TMCC3: variants seen among roughly 807,000 people sequenced by gnomAD.
TMCC3 encodes the protein transmembrane and coiled-coil domain family 3, also known as transmembrane and coiled-coil domain protein 3.
Under a neutral mutation model 40.2 loss-of-function variants are expected in TMCC3, and 28 were observed. The ratio of observed to expected loss-of-function variants is 0.70; its 90% confidence interval spans 0.52 to 0.95. The LOEUF (loss-of-function observed/expected upper bound fraction) is 0.95, where lower values mean the gene tolerates loss of function less well. TMCC3 is among the 40% of genes least tolerant of loss of function. The pLI, the probability that TMCC3 is intolerant of heterozygous loss-of-function variation, is 0.00. For synonymous variants in TMCC3, 255 were observed against 248.5 expected, an observed-to-expected ratio of 1.03 and a Z score of -0.25; for missense variants, 554 against 615.2, an observed-to-expected ratio of 0.90 and a Z score of 1.05.
intron 3 of TMCC3, among the ~76,000 whole-genome samples, chr12:94,573,949 C>G (rs12319966): frequency 0.022 from 3,386 of 152,298 alleles, 81 homozygotes; most frequent in African/African-American, 0.063. Flanking sequence ...TCCTCCCCAA[C>G]CACAAGACAT....
intron 1 of TMCC3, among the ~76,000 whole-genome samples, chr12:94,584,920 A>C (rs2068629277): frequency 6.6e-6 from 1 of 152,116 alleles, no homozygotes; most frequent in African/African-American, 2.4e-5. Context: ...TAGAGGGTCG[A>C]CCACAGGAAG....
intron 1 of TMCC3, among the ~76,000 whole-genome samples, chr12:94,624,530 T>C (rs2068892311): frequency 6.6e-6 from 1 of 151,432 alleles, no homozygotes; most frequent in Non-Finnish European, 1.5e-5. Flanking sequence ...CTGGGAAACA[T>C]GGTGAAAACC....
At chr12:94,638,285 C>T (rs1241657715) in intron 1 of TMCC3, among the ~76,000 whole-genome samples, 1 of 152,190 alleles carries the variant, frequency 6.6e-6, no homozygotes, top group Non-Finnish European at 1.5e-5. Flanking sequence ...GTGGGACATG[C>T]TCTTTCCCCC....
chr12:94,573,515 C>T (rs2068545725), intron 3 of TMCC3, among the ~76,000 whole-genome samples: 1 of 152,136 alleles, frequency 6.6e-6, no homozygotes, highest in Non-Finnish European at 1.5e-5. Flanking sequence ...AGCTCCCTCT[C>T]CTCCCTCACT....
rs145116010 is a variant in TMCC3, at chr12:94,581,755, C to T, written c.862G>A (p.Ala288Thr). Residue 288 changes from alanine (A) to threonine (T), a missense_variant, in exon 2 of 4, where the codon GCC (alanine) becomes ACC (threonine). Coordinates refer to ENST00000261226, the MANE Select transcript of TMCC3 (RefSeq NM_020698.4). ...ASTLDSQGKL[A>T]VILEELREIK... ...TCCCTCAGTTCCTCCAGGATCACGG[C>T]GAGCTTGCCCTGGCTGTCCAGTGTG... 2,245 of 1,614,138 alleles carry T rather than the reference C, an allele frequency of 1.4e-3. 37 individuals carry two copies. In the African/African-American group the frequency reaches 0.027, roughly 19 times the overall value.
intron 3 of TMCC3, among the ~76,000 whole-genome samples, chr12:94,575,838 G>A (rs896067474): frequency 2.0e-5 from 3 of 151,932 alleles, no homozygotes; most frequent in Admixed American, 6.6e-5. Flanking sequence ...TTGCTCTGTC[G>A]CCCAGACTGG....
intron 1 of TMCC3, among the ~76,000 whole-genome samples, chr12:94,632,376 AC>A (rs2068938112): frequency 6.6e-6 from 1 of 152,246 alleles, no homozygotes; most frequent in Admixed American, 6.5e-5. Context: ...TTGACTAGGT[AC>A]AAAAACTGCC....
At chr12:94,639,718 C>T in intron 1 of TMCC3, among the ~76,000 whole-genome samples, 1 of 96,554 alleles carries the variant, frequency 1.0e-5, no homozygotes, top group African/African-American at 4.4e-5. Context: ...GAAACCAGGC[C>T]AGAAAAAAAT....
intron 1 of TMCC3, among the ~76,000 whole-genome samples, chr12:94,626,059 T>C (rs1376422811): frequency 1.3e-5 from 2 of 151,988 alleles, no homozygotes; most frequent in Non-Finnish European, 2.9e-5. Context: ...CTTACAAACA[T>C]GGCGGAAGGG....
intron 1 of TMCC3, among the ~76,000 whole-genome samples, chr12:94,587,281 T>C (rs116432771): frequency 0.024 from 3,689 of 152,280 alleles, 152 homozygotes; most frequent in African/African-American, 0.083. Flanking sequence ...TATGTATGTG[T>C]TCTTGGGTAA....
At chr12:94,599,558 C>CA (rs1040149423) in intron 1 of TMCC3, among the ~76,000 whole-genome samples, 6 of 85,172 alleles carry the variant, frequency 7.0e-5, no homozygotes, top group African/African-American at 2.6e-4. Flanking sequence ...TAAAAGATAC[C>CA]CCCCCCCCCG....
At chr12:94,606,369 TC>T (rs1566325951) in intron 1 of TMCC3, among the ~76,000 whole-genome samples, 1 of 68,704 alleles carries the variant, frequency 1.5e-5, no homozygotes. Flanking sequence ...TTTTTCTTAT[TC>T]TTTTTTTTTT....
intron 1 of TMCC3, among the ~76,000 whole-genome samples, chr12:94,646,546 C>T (rs189491505): frequency 7.0e-6 from 1 of 143,660 alleles, no homozygotes; most frequent in Non-Finnish European, 1.5e-5. Context: ...TCAAGAGATT[C>T]TCCTGCCTCA....
intron 1 of TMCC3, among the ~76,000 whole-genome samples, chr12:94,607,194 G>C (rs1352638560): frequency 6.6e-6 from 1 of 152,176 alleles, no homozygotes; most frequent in Non-Finnish European, 1.5e-5. Flanking sequence ...TGACCCCGCA[G>C]GCAGTCAGAA....
At position 94,618,732 on chromosome 12, in the gene TMCC3, G is replaced by A. The variant is rs139134517; in HGVS notation, c.78+31621C>T. On this transcript the variant is annotated intron_variant, in intron 1 of 3. Coordinates refer to ENST00000261226, the MANE Select transcript of TMCC3 (RefSeq NM_020698.4). ...TTCTCTAGGATGTTTCTGAACTCTG[G>A]GTGGTTCCCATTAAACACACAATAC... 1.7e-3 allele frequency among the ~76,000 whole-genome samples: 253 copies of A among 152,190 alleles called. 3 individuals carry two copies. The East Asian group carries it at 0.041, about 25-fold the overall frequency.
intron 1 of TMCC3, among the ~76,000 whole-genome samples, chr12:94,645,960 C>T (rs2069015887): frequency 6.6e-6 from 1 of 152,168 alleles, no homozygotes; most frequent in African/African-American, 2.4e-5. Flanking sequence ...ATAGACATTA[C>T]TGAATTTATT....
At chr12:94,603,485 T>C (rs2068764647) in intron 1 of TMCC3, among the ~76,000 whole-genome samples, 1 of 152,124 alleles carries the variant, frequency 6.6e-6, no homozygotes, top group Admixed American at 6.5e-5. Context: ...ACAAAAGGAA[T>C]GAAAAATTGT....
intron 1 of TMCC3, among the ~76,000 whole-genome samples, chr12:94,592,187 T>C (rs1177989724): frequency 2.0e-5 from 3 of 152,204 alleles, no homozygotes; most frequent in Non-Finnish European, 4.4e-5. Context: ...TTTCCTTTCA[T>C]AGTTCAGGTC....
intron 1 of TMCC3, among the ~76,000 whole-genome samples, chr12:94,617,637 T>C (rs2068854789): frequency 6.6e-6 from 1 of 152,248 alleles, no homozygotes; most frequent in African/African-American, 2.4e-5. Context: ...ATATTTGAAT[T>C]GCCACAAGTC....
Sources: gnomAD v4.1 joint callset for allele counts (sites outside exome capture counted in the v4.1 genomes callset) on GRCh38, gnomAD v4.1.1 for gene constraint, MANE v1.5 for transcripts, NCBI Gene and HGNC (gene_info 2026-07-23, HGNC 2026-07-21) for gene names.